Variants in EIF4E3 observed in about 807,000 individuals in gnomAD.
The protein encoded by EIF4E3 is eukaryotic translation initiation factor 4E type 3.
In EIF4E3, 26 loss-of-function variants were observed where a neutral mutation model predicts 31.7. That is an observed-to-expected ratio of 0.82 (90% CI 0.60 to 1.14). The LOEUF is 1.14. Ranked by LOEUF, EIF4E3 falls within the 50% of genes most tolerant of loss-of-function variation. The pLI is 0.00. For synonymous variants in EIF4E3, 128 were observed against 107.7 expected, an observed-to-expected ratio of 1.19 and a Z score of -1.17; for missense variants, 304 against 270.9, an observed-to-expected ratio of 1.12 and a Z score of -0.86.
chr3:71,753,647 CGCGGCG>C (rs981511310), upstream of EIF4E3: 60 of 147,536 alleles, frequency 4.1e-4, no homozygotes, highest in East Asian at 9.1e-3. Context: ...GAGGGGGCTC[CGCGGCG>C]GCGGCGGCGG....
chr3:71,719,272 T>A (rs1009409535), intron 1 of EIF4E3, among the ~76,000 whole-genome samples: 31 of 152,176 alleles, frequency 2.0e-4, no homozygotes, highest in Non-Finnish European at 2.9e-5. Context: ...GTAAATAATA[T>A]ACTCAATTGA....
downstream of EIF4E3, among the ~76,000 whole-genome samples, chr3:71,673,455 C>T (rs992529893): frequency 6.6e-6 from 1 of 151,978 alleles, no homozygotes; most frequent in Non-Finnish European, 1.5e-5. Context: ...TTACTGAATT[C>T]AGTGTCTAAG....
rs779820888 is a variant in EIF4E3 at position 71,689,968 on chromosome 3, T to C, written c.628+42A>G. 3.0e-5 allele frequency: 46 copies of C among 1,511,860 alleles called. No homozygotes were observed. In the Admixed American group the frequency reaches 6.4e-4, roughly 21 times the overall value. The allele number at this position is 1,511,860 out of a possible 1,614,324, so 93.7% of individuals were successfully genotyped here. ...ACAGTTTCTATCTTTAAAAGTATGA[T>C]AGAGTAAGCTAGAAAGTAATAACTG... On this transcript the variant is annotated intron_variant, in intron 6 of 6. Coordinates refer to ENST00000425534, the MANE Select transcript of EIF4E3 (RefSeq NM_001134651.2).
At chr3:71,711,903 A>T (rs941036098) in intron 1 of EIF4E3, among the ~76,000 whole-genome samples, 1 of 152,198 alleles carries the variant, frequency 6.6e-6, no homozygotes, top group Non-Finnish European at 1.5e-5. Context: ...GAATCGCTTG[A>T]ACACAGGAGA....
At chr3:71,666,232 A>G in the EIF4E3 span, among the ~76,000 whole-genome samples, 6 of 149,248 alleles carry the variant, frequency 4.0e-5, no homozygotes, top group Non-Finnish European at 7.4e-5. Flanking sequence ...GAGAAGAATC[A>G]AATAGACATA....
intron 1 of EIF4E3, among the ~76,000 whole-genome samples, chr3:71,715,814 C>CT (rs1006047122): frequency 6.6e-6 from 1 of 152,214 alleles, no homozygotes; most frequent in African/African-American, 2.4e-5. Context: ...CATATTATCT[C>CT]TAATTCCTAC....
At chr3:71,730,695 T>C (rs1159393648) in intron 1 of EIF4E3, among the ~76,000 whole-genome samples, 1 of 152,044 alleles carries the variant, frequency 6.6e-6, no homozygotes, top group Non-Finnish European at 1.5e-5. Context: ...AATCCGTGTG[T>C]TGGTCTTCCT....
At chr3:71,742,624 C>G (rs1308193746) in intron 1 of EIF4E3, among the ~76,000 whole-genome samples, 1 of 151,938 alleles carries the variant, frequency 6.6e-6, no homozygotes, top group South Asian at 2.1e-4. Context: ...CCAAGTCATT[C>G]TATTAGATCA....
At chr3:71,694,669 C>T (rs1439860374) in intron 4 of EIF4E3, among the ~76,000 whole-genome samples, 1 of 152,156 alleles carries the variant, frequency 6.6e-6, no homozygotes, top group African/African-American at 2.4e-5. Context: ...ATCCTCCTTC[C>T]TGTGATTCAC....
chr3:71,693,932 A>G lies in EIF4E3; in HGVS notation c.415T>C (p.Trp139Arg). 6.3e-7 allele frequency: 1 copy of G among 1,583,098 alleles called. No homozygotes were observed. ...ATGGTTGCTAACAGCAACTCTTTCC[A>G]AACTGTGGACTGATATGGGAAAAGA... Reference protein sequence around the residue: ...KVPKDSTSTVWKELLLATIGE... With the variant: ...KVPKDSTSTVRKELLLATIGE... Residue 139 changes from tryptophan to arginine, a missense_variant, in exon 5 of 7, where the codon TGG becomes CGG. Physicochemically the swap from Trp to Arg is moderately radical, Grantham distance 101. Coordinates refer to ENST00000425534, the MANE Select transcript of EIF4E3 (RefSeq NM_001134651.2).
upstream of EIF4E3, among the ~76,000 whole-genome samples, chr3:71,726,301 C>CA (rs1239476868): frequency 6.6e-6 from 1 of 152,206 alleles, no homozygotes; most frequent in Non-Finnish European, 1.5e-5. Context: ...CACCTGTGAA[C>CA]ACAGAGCGCT....
intron 1 of EIF4E3, among the ~76,000 whole-genome samples, chr3:71,741,368 C>T (rs1217975813): frequency 6.6e-6 from 1 of 152,016 alleles, no homozygotes; most frequent in African/African-American, 2.4e-5. Flanking sequence ...GCTGGAGAGG[C>T]TATATTTATA....
chr3:71,676,686 A>T lies in EIF4E3; in HGVS notation c.*7996T>A, dbSNP rs2048877126. On this transcript the variant is annotated 3_prime_UTR_variant, in exon 7 of 7. Coordinates refer to ENST00000425534, the MANE Select transcript of EIF4E3 (RefSeq NM_001134651.2). ...TTTCTGTGGAACCACCCTTCTAGGG[A>T]ACACTCTTTGAAAGCTGATGGACCT... 2 of 152,058 alleles carry T rather than the reference A, an allele frequency of 1.3e-5. No homozygotes were observed. The highest frequency in any genetic ancestry group is 2.9e-5 in the Non-Finnish European group (2 of 67,998). The allele number at this position is 152,058 out of a possible 1,614,324, so 9.4% of individuals were successfully genotyped here.
At chr3:71,738,769 G>T (rs140040118) in intron 1 of EIF4E3, among the ~76,000 whole-genome samples, 66 of 151,824 alleles carry the variant, frequency 4.3e-4, no homozygotes, top group African/African-American at 1.6e-3. Flanking sequence ...CATCAGCAAG[G>T]ATATACAAGA....
chr3:71,684,754 AG>A, intron 6 of EIF4E3, 26 bp from the exon 7 acceptor site: 2 of 1,612,178 alleles, frequency 1.2e-6, no homozygotes, highest in Non-Finnish European at 1.7e-6. Flanking sequence ...AAAACAAAAA[AG>A]AAAAAAAGGA....
chr3:71,743,201 A>G (rs931762575), intron 1 of EIF4E3, among the ~76,000 whole-genome samples: 1 of 152,168 alleles, frequency 6.6e-6, no homozygotes, highest in Non-Finnish European at 1.5e-5. Context: ...AAACGGTAAC[A>G]TTGTCTATTC....
At chr3:71,743,735 G>A (rs1288091556) in intron 1 of EIF4E3, among the ~76,000 whole-genome samples, 1 of 152,100 alleles carries the variant, frequency 6.6e-6, no homozygotes, top group Admixed American at 6.5e-5. Flanking sequence ...CCACAATAAT[G>A]AATACAGTGT....
intron 1 of EIF4E3, among the ~76,000 whole-genome samples, chr3:71,738,322 A>G (rs1157904155): frequency 6.6e-6 from 1 of 152,240 alleles, no homozygotes; most frequent in Non-Finnish European, 1.5e-5. Context: ...TGAGAATCTT[A>G]GACTTTTACC....
rs759002916 is a variant in EIF4E3, at chr3:71,693,956, G to A, written c.406-15C>T. Reference sequence around the variant, plus strand: ...CAAACTGTGGACTGATATGGGAAAAGAATAAAAAACAAAACAAACAAAATA... The same window carrying A: ...CAAACTGTGGACTGATATGGGAAAAAAATAAAAAACAAAACAAACAAAATA... On this transcript the variant is annotated splice_polypyrimidine_tract_variant and intron_variant, in intron 4 of 6. Transcript: ENST00000425534. 4.5e-6 allele frequency: 7 copies of A among 1,552,528 alleles called. No individual in the cohort carries two copies. The Admixed American group carries it at 1.4e-4, about 32-fold the overall frequency.
Sources: gnomAD v4.1 joint callset for allele counts (sites outside exome capture counted in the v4.1 genomes callset) on GRCh38, gnomAD v4.1.1 for gene constraint, MANE v1.5 for transcripts, NCBI Gene and HGNC (gene_info 2026-07-23, HGNC 2026-07-21) for gene names.